AFF1: variants seen among roughly 807,000 people sequenced by gnomAD.
The protein encoded by AFF1 is ALF transcription elongation factor 1.
In AFF1, 48 loss-of-function variants were observed where a neutral mutation model predicts 121.7. The observed-to-expected ratio is 0.39, with a 90% CI of 0.31 to 0.50. The LOEUF is 0.50. Ranked by LOEUF, AFF1 falls within the 20% of genes least tolerant of loss-of-function variation. AFF1 has a pLI of 0.76. For missense variants in AFF1, 1,523 were observed against 1,511.7 expected, an observed-to-expected ratio of 1.01 and a Z score of -0.12; for synonymous variants, 613 against 563.0, an observed-to-expected ratio of 1.09 and a Z score of -1.26.
intron 7 of AFF1, among the ~76,000 whole-genome samples, chr4:87,093,742 A>G (rs1471782543): frequency 1.3e-5 from 2 of 152,310 alleles, no homozygotes; most frequent in Middle Eastern, 3.4e-3. Context: ...ATGAGGGCAA[A>G]GTGACTAATT....
intron 4 of AFF1, chr4:87,047,928 G>C (rs1249175948): frequency 1.0e-5 from 3 of 296,780 alleles, no homozygotes; most frequent in Non-Finnish European, 1.9e-5. Context: ...AATCAAGAGA[G>C]AGAAGATTTC....
chr4:87,063,228 CTTTT>C (rs569577993), intron 4 of AFF1, among the ~76,000 whole-genome samples: 146 of 44,410 alleles, frequency 3.3e-3, no homozygotes, highest in Non-Finnish European at 5.0e-3. Flanking sequence ...AGATTCACCT[CTTTT>C]TTTTTTTTTT....
At chr4:86,969,460 CAG>C (rs1722767080) in intron 2 of AFF1, among the ~76,000 whole-genome samples, 1 of 151,116 alleles carries the variant, frequency 6.6e-6, no homozygotes, top group South Asian at 2.1e-4. Context: ...GCCTGGGCAA[CAG>C]AGCGAGCTTC....
intron 2 of AFF1, among the ~76,000 whole-genome samples, chr4:86,951,139 G>A (rs138275654): frequency 6.6e-6 from 1 of 152,238 alleles, no homozygotes; most frequent in African/African-American, 2.4e-5. Context: ...TAGCAACCCT[G>A]GGCTTGCATT....
intron 2 of AFF1, among the ~76,000 whole-genome samples, chr4:87,009,334 C>G (rs1283569573): frequency 6.6e-6 from 1 of 152,232 alleles, no homozygotes; most frequent in Non-Finnish European, 1.5e-5. Flanking sequence ...CTTATGCTTC[C>G]TCTTTAATGC....
intron 2 of AFF1, among the ~76,000 whole-genome samples, chr4:86,995,871 G>T (rs1445115513): frequency 6.6e-6 from 1 of 150,680 alleles, no homozygotes; most frequent in Non-Finnish European, 1.5e-5. Flanking sequence ...AGTGAGGAGC[G>T]TCTCTGCCCG....
intron 2 of AFF1, among the ~76,000 whole-genome samples, chr4:87,044,064 C>A (rs113167444): frequency 1.6e-4 from 24 of 152,270 alleles, no homozygotes; most frequent in African/African-American, 5.8e-4. Context: ...GATCCACCTG[C>A]CTTGGCCTCC....
intron 2 of AFF1, among the ~76,000 whole-genome samples, chr4:87,035,288 A>G (rs1164843493): frequency 6.6e-6 from 1 of 152,102 alleles, no homozygotes; most frequent in Admixed American, 6.6e-5. Flanking sequence ...GAGGCCTGGC[A>G]TGGTGGCTCA....
At chr4:87,112,464 C>T (rs1726635224) in intron 11 of AFF1, among the ~76,000 whole-genome samples, 2 of 152,198 alleles carry the variant, frequency 1.3e-5, no homozygotes, top group South Asian at 4.1e-4. Flanking sequence ...ATGTAGTCAT[C>T]TTACTGTCCA....
intron 2 of AFF1, among the ~76,000 whole-genome samples, chr4:86,971,786 G>A (rs1289774633): frequency 2.0e-5 from 3 of 152,176 alleles, no homozygotes; most frequent in Non-Finnish European, 4.4e-5. Context: ...AATTATGAGT[G>A]GACAGTATGG....
At chr4:86,985,994 T>C (rs983721964) in intron 2 of AFF1, among the ~76,000 whole-genome samples, 1 of 151,842 alleles carries the variant, frequency 6.6e-6, no homozygotes, top group African/African-American at 2.4e-5. Context: ...TGTCTTAAAG[T>C]GACTAATTAA....
intron 2 of AFF1, among the ~76,000 whole-genome samples, chr4:87,017,449 C>A (rs1020827961): frequency 1.3e-5 from 2 of 152,002 alleles, no homozygotes; most frequent in Non-Finnish European, 2.9e-5. Context: ...TGAAGAAATT[C>A]ATATCGAGGA....
chr4:87,008,386 G>GT (rs1406526729), intron 2 of AFF1, among the ~76,000 whole-genome samples: 4 of 152,144 alleles, frequency 2.6e-5, no homozygotes, highest in Non-Finnish European at 4.4e-5. Flanking sequence ...ATGAGACAAT[G>GT]TTTTTTTCCT....
At chr4:87,015,933 C>T (rs961213420) in intron 2 of AFF1, among the ~76,000 whole-genome samples, 7 of 152,234 alleles carry the variant, frequency 4.6e-5, no homozygotes, top group African/African-American at 1.7e-4. Flanking sequence ...GTAATCCCAG[C>T]ACTCTGGGAG....
intron 12 of AFF1, among the ~76,000 whole-genome samples, chr4:87,123,210 A>G (rs945732200): frequency 1.3e-5 from 2 of 152,218 alleles, no homozygotes; most frequent in South Asian, 4.1e-4. Flanking sequence ...TTTAATAATT[A>G]TATCTAATCC....
chr4:86,982,760 A>AT (rs1450460638), intron 2 of AFF1, among the ~76,000 whole-genome samples: 1 of 148,850 alleles, frequency 6.7e-6, no homozygotes, highest in Non-Finnish European at 1.5e-5. Flanking sequence ...AGGCAGGAGA[A>AT]TCGCTTGAAC....
At chr4:86,961,533 A>G (rs2149467879) in intron 2 of AFF1, among the ~76,000 whole-genome samples, 1 of 151,438 alleles carries the variant, frequency 6.6e-6, no homozygotes, top group Admixed American at 6.6e-5. Flanking sequence ...CATCTTTTCC[A>G]GTGAAGGAAC....
At chr4:87,013,875 G>A (rs1430100378) in intron 2 of AFF1, among the ~76,000 whole-genome samples, 1 of 152,092 alleles carries the variant, frequency 6.6e-6, no homozygotes, top group East Asian at 1.9e-4. Flanking sequence ...TCTGGGTGGA[G>A]CTCTGCTGTC....
chr4:87,054,872 G>C lies in AFF1; in HGVS notation c.1059+7278G>C, dbSNP rs146862634. On this transcript the variant is annotated intron_variant, in intron 4 of 20. Coordinates refer to ENST00000395146, the MANE Select transcript of AFF1 (RefSeq NM_001166693.3). ...GCAGACAAATTATTTTGTTTGGCCT[G>C]TAGGGCTTGTTTTCTTTCTTTCTCC... Among the ~76,000 whole-genome samples, 18 of 152,308 alleles carry C rather than the reference G, an allele frequency of 1.2e-4. No homozygotes were observed. The East Asian group carries it at 1.7e-3, about 15-fold the overall frequency.
Sources: gnomAD v4.1 joint callset for allele counts (sites outside exome capture counted in the v4.1 genomes callset) on GRCh38, gnomAD v4.1.1 for gene constraint, MANE v1.5 for transcripts, NCBI Gene and HGNC (gene_info 2026-07-23, HGNC 2026-07-21) for gene names.